The following GLIS3 variants were observed in gnomAD, a reference collection of about 807,000 sequenced individuals.
GLIS3 encodes zinc finger protein GLIS3.
Under a neutral mutation model 78.6 loss-of-function variants are expected in GLIS3, and 53 were observed. The ratio of observed to expected loss-of-function variants is 0.67; its 90% CI spans 0.54 to 0.85. The LOEUF is 0.85. Among genes scored for constraint, GLIS3 ranks in the 40% least tolerant of loss-of-function variants. GLIS3 has a pLI of 0.00. For missense variants in GLIS3, 1,703 were observed against 1,231.1 expected (o/e 1.38, Z -5.74); for synonymous variants, 684 against 509.9 (o/e 1.34, Z -4.60).
chr9:4,371,576 C>T, the GLIS3 span, among the ~76,000 whole-genome samples: 2 of 152,308 alleles, frequency 1.3e-5, no homozygotes, highest in East Asian at 3.9e-4. Flanking sequence ...ACCCCTAACC[C>T]CCAGCCTGTG....
At chr9:4,249,499 C>A (rs938933627) in intron 2 of GLIS3, among the ~76,000 whole-genome samples, 1 of 152,176 alleles carries the variant, frequency 6.6e-6, no homozygotes, top group African/African-American at 2.4e-5. Flanking sequence ...AGTTGCTTAT[C>A]AGCTTAAGGA....
chr9:4,442,675 C>T, the GLIS3 span, among the ~76,000 whole-genome samples: 6 of 151,806 alleles, frequency 4.0e-5, no homozygotes, highest in African/African-American at 1.2e-4. Context: ...CTTGGTTAGA[C>T]TAAGTTAATA....
Position 4,092,810 on chromosome 9 carries a change from G to T in GLIS3, c.1710+24958C>A, listed in dbSNP as rs531965926. 6.0e-4 allele frequency among the ~76,000 whole-genome samples: 91 copies of T among 152,246 alleles called. 2 individuals are homozygous for T. In the South Asian group the frequency reaches 0.01, roughly 17 times the overall value. On this transcript the variant is annotated intron_variant, in intron 4 of 10. Transcript: ENST00000381971. ...AAGCACTCTAAAATAATAATAAAACGTATAGTATAGTAAATACATAAAACA... is the reference window on the plus strand; with the variant it reads ...AAGCACTCTAAAATAATAATAAAACTTATAGTATAGTAAATACATAAAACA...
chr9:3,883,090 C>CA (rs573875359), intron 7 of GLIS3, among the ~76,000 whole-genome samples: 1 of 151,818 alleles, frequency 6.6e-6, no homozygotes, highest in Non-Finnish European at 1.5e-5. Context: ...ACATACCCTT[C>CA]AAAAAAAATG....
At chr9:4,227,332 A>C (rs1821862068) in intron 2 of GLIS3, among the ~76,000 whole-genome samples, 1 of 150,680 alleles carries the variant, frequency 6.6e-6, no homozygotes, top group Non-Finnish European at 1.5e-5. Flanking sequence ...AAAGTAAGTA[A>C]GTTACGCCCA....
the GLIS3 span, among the ~76,000 whole-genome samples, chr9:4,457,748 G>C: frequency 6.6e-6 from 1 of 151,610 alleles, no homozygotes; most frequent in Non-Finnish European, 1.5e-5. Context: ...TATTCGGGAG[G>C]CTGAGGCAGA....
chr9:3,985,161 C>A (rs1351962863), intron 4 of GLIS3, among the ~76,000 whole-genome samples: 1 of 151,736 alleles, frequency 6.6e-6, no homozygotes, highest in Non-Finnish European at 1.5e-5. Flanking sequence ...TTAATTATTA[C>A]TGAGACAGGG....
At chr9:4,336,617 A>C (rs895890739) in intron 2 of GLIS3, among the ~76,000 whole-genome samples, 1 of 152,210 alleles carries the variant, frequency 6.6e-6, no homozygotes, top group Admixed American at 6.5e-5. Context: ...CAAAACCAAG[A>C]CTGCAAAACC....
At chr9:4,137,658 T>A (rs1833498343) in intron 2 of GLIS3, among the ~76,000 whole-genome samples, 1 of 152,188 alleles carries the variant, frequency 6.6e-6, no homozygotes. Context: ...GCAATATTCC[T>A]GGAGTTTGTA....
At chr9:4,355,980 G>T in the GLIS3 span, among the ~76,000 whole-genome samples, 3 of 152,182 alleles carry the variant, frequency 2.0e-5, no homozygotes, top group Non-Finnish European at 4.4e-5. Flanking sequence ...GGGCACTTCA[G>T]TTCTGTGTGT....
chr9:4,084,724 G>A (rs764495834), intron 4 of GLIS3, among the ~76,000 whole-genome samples: 17 of 152,110 alleles, frequency 1.1e-4, no homozygotes, highest in Non-Finnish European at 2.1e-4. Context: ...GTAAAGCTGC[G>A]CTTCAAGCTC....
intron 2 of GLIS3, among the ~76,000 whole-genome samples, chr9:4,338,024 CTGTGTGTGTGTGTGTGTGTGTG>C (rs74777663): frequency 1.3e-4 from 18 of 138,972 alleles, no homozygotes; most frequent in Admixed American, 7.0e-4. Flanking sequence ...ATTGGCAAGG[CTGTGTGTGTGTGTGTGTGTGTG>C]TGTGTGTGTG....
chr9:4,024,025 C>CAAA (rs148648529), intron 4 of GLIS3, among the ~76,000 whole-genome samples: 3 of 130,860 alleles, frequency 2.3e-5, no homozygotes, highest in African/African-American at 6.4e-5. Context: ...GAAGGAAAAA[C>CAAA]AAAAAAAAAC....
chr9:4,368,710 G>C, the GLIS3 span, among the ~76,000 whole-genome samples: 2 of 152,166 alleles, frequency 1.3e-5, no homozygotes, highest in Non-Finnish European at 2.9e-5. Context: ...TGACTTTGAC[G>C]AAGCCACTTC....
At chr9:4,114,886 C>T (rs570061656) in intron 4 of GLIS3, among the ~76,000 whole-genome samples, 8 of 152,196 alleles carry the variant, frequency 5.3e-5, no homozygotes, top group Non-Finnish European at 1.2e-4. Context: ...AGTAAGTTAA[C>T]CAAATAATAA....
At chr9:3,875,004 C>G (rs550085539) in intron 8 of GLIS3, among the ~76,000 whole-genome samples, 1 of 152,242 alleles carries the variant, frequency 6.6e-6, no homozygotes, top group South Asian at 2.1e-4. Context: ...AAAAGATGAG[C>G]AAACACAAAC....
At chr9:4,105,868 C>T (rs1384298349) in intron 4 of GLIS3, among the ~76,000 whole-genome samples, 1 of 152,054 alleles carries the variant, frequency 6.6e-6, no homozygotes, top group Non-Finnish European at 1.5e-5. Context: ...AGAACACGAT[C>T]GGGGTGACCC....
At chr9:4,236,319 A>C (rs777997005) in intron 2 of GLIS3, among the ~76,000 whole-genome samples, 3 of 152,136 alleles carry the variant, frequency 2.0e-5, no homozygotes, top group African/African-American at 2.4e-5. Context: ...TTTGTGGTTT[A>C]CATCAGTACG....
chr9:4,245,769 G>C (rs931324938), intron 2 of GLIS3, among the ~76,000 whole-genome samples: 3 of 152,102 alleles, frequency 2.0e-5, no homozygotes, highest in African/African-American at 7.2e-5. Context: ...TAAATATGTA[G>C]TTACTATGTG....
Sources: allele counts gnomAD v4.1 joint callset (sites outside exome capture counted in the v4.1 genomes callset), GRCh38; gene constraint gnomAD v4.1.1; transcripts MANE v1.5; gene names NCBI Gene and HGNC (gene_info 2026-07-23, HGNC 2026-07-21).